Variants in MAP7D3 observed in about 807,000 individuals in gnomAD.
MAP7D3 encodes MAP7 domain containing 3.
Under a neutral mutation model 62.2 loss-of-function variants are expected in MAP7D3, and 45 were observed. The observed-to-expected ratio is 0.72, with a 90% CI of 0.57 to 0.93. The LOEUF (loss-of-function observed/expected upper bound fraction) is 0.93. Ranked by LOEUF, MAP7D3 falls within the 40% of genes least tolerant of loss-of-function variation. MAP7D3 has a pLI of 0.00. For synonymous variants in MAP7D3, 288 were observed against 248.8 expected (o/e 1.16, Z -1.48); for missense variants, 711 against 683.1 (o/e 1.04, Z -0.45).
Position 136,250,256 on chromosome X carries a change from T to C in MAP7D3, c.70+1033A>G, listed in dbSNP as rs2074490006. 2.7e-5 allele frequency among the ~76,000 whole-genome samples: 3 copies of C among 112,200 alleles called. No individual in the cohort carries two copies. In the South Asian group the frequency reaches 1.1e-3, roughly 42 times the overall value. On this transcript the variant is annotated intron_variant, in intron 1 of 18. Coordinates refer to ENST00000316077, the MANE Select transcript of MAP7D3 (RefSeq NM_024597.4). Reference sequence around the variant, plus strand: ...GCTTCCCAATCGTAAACAATCTAACTTTTTAATTGCAAATGCAAAAAAACC... The same window carrying C: ...GCTTCCCAATCGTAAACAATCTAACCTTTTAATTGCAAATGCAAAAAAACC...
chrX:136,215,269 G>A (rs1226950527), downstream of MAP7D3, among the ~76,000 whole-genome samples: 1 of 111,984 alleles, frequency 8.9e-6, no homozygotes, highest in African/African-American at 3.2e-5. Flanking sequence ...TGAGTGGCAG[G>A]AGAGCAAATC....
chrX:136,243,999 C>G (rs923116209), intron 4 of MAP7D3, among the ~76,000 whole-genome samples: 4 of 111,475 alleles, frequency 3.6e-5, no homozygotes, highest in African/African-American at 1.3e-4. Context: ...AAAGAGAATC[C>G]AGAAAGGAAA....
chrX:136,241,251 A>G lies in MAP7D3; in HGVS notation c.444T>C (p.Arg148=). 8.7e-7 allele frequency: 1 copy of G among 1,152,663 alleles called. No homozygotes were observed. Among genetic ancestry groups the G allele is most frequent in the Non-Finnish European group, 1.2e-6 (1 of 857,049 alleles). The allele number at this position is 1,152,663 out of a possible 1,213,427, so 95.0% of individuals were successfully genotyped here. A position where few individuals can be genotyped will look rare whatever the true frequency, so the allele number is the denominator to read the frequency against. ...QKEKFTAILY[R]TLERRRLADD... The stretch of plus-strand genomic sequence containing the variant: ...CAGCAAGTCTCCTCCGTTCCAAAGT[A>G]CGATAAAGAATGGCTGTAAATTTTT... The change falls in exon 5 of 19, where the codon CGT becomes CGC. Residue 148 remains arginine (R), a synonymous_variant. Coordinates refer to ENST00000316077, the MANE Select transcript of MAP7D3 (RefSeq NM_024597.4).
At chrX:136,248,563 C>T (rs750308321) in intron 1 of MAP7D3, among the ~76,000 whole-genome samples, 100 of 112,216 alleles carry the variant, frequency 8.9e-4, no homozygotes, top group African/African-American at 3.2e-3. Flanking sequence ...TATACTAATT[C>T]TAAATCCAAA....
downstream of MAP7D3, chrX:136,216,785 T>G (rs952394760): frequency 8.9e-6 from 1 of 111,793 alleles, no homozygotes; most frequent in Non-Finnish European, 1.9e-5. Context: ...CAGTACACTT[T>G]TTTTAGTATT....
chrX:136,228,786 T>TA (rs747180555), intron 10 of MAP7D3, 28 bp from the exon 11 acceptor site: 2 of 1,120,035 alleles, frequency 1.8e-6, no homozygotes, highest in Non-Finnish European at 1.2e-6. Flanking sequence ...GTGCAACAGT[T>TA]AAGAGAGCTA....
At chrX:136,244,517 TG>T (rs960487603) in intron 4 of MAP7D3, 114 bp downstream of exon 4, 6 of 599,040 alleles carry the variant, frequency 1.0e-5, no homozygotes, top group Non-Finnish European at 1.6e-5. Flanking sequence ...AAGAAAGAGC[TG>T]GGATTGGTTC....
intron 6 of MAP7D3, among the ~76,000 whole-genome samples, chrX:136,239,004 C>T (rs1161959365): frequency 1.8e-5 from 2 of 111,917 alleles, no homozygotes; most frequent in Non-Finnish European, 3.8e-5. Flanking sequence ...TATAATTATG[C>T]CTTATTCAAT....
chrX:136,236,212 C>T, intron 7 of MAP7D3, 32 bp downstream of exon 7: 1 of 881,269 alleles, frequency 1.1e-6, no homozygotes, highest in Non-Finnish European at 1.6e-6. Flanking sequence ...TTTTAAATCA[C>T]TATTTAAAAT....
At chrX:136,216,735 A>T (rs993355098), downstream of MAP7D3, 2 of 112,302 alleles carry the variant, frequency 1.8e-5, no homozygotes, top group Non-Finnish European at 3.8e-5. Flanking sequence ...GCCTGTGTTC[A>T]TAGCTCAGCC....
At chrX:136,219,866 GC>G (rs981904117) in intron 16 of MAP7D3, 195 bp from the exon 17 acceptor site, 1 of 476,540 alleles carries the variant, frequency 2.1e-6, no homozygotes, top group African/African-American at 2.4e-5. Context: ...ATTCCAGAAA[GC>G]CCTAGGTCCC....
At position 136,227,430 on chromosome X, in the gene MAP7D3, C is replaced by T; in HGVS notation, c.1888G>A (p.Val630Ile). The change falls in exon 12 of 19, where the codon GTC becomes ATC. Residue 630 changes from valine (V) to isoleucine (I), a missense_variant and splice_region_variant. Val to Ile is a conservative substitution (Grantham distance 29). Coordinates refer to ENST00000316077, the MANE Select transcript of MAP7D3 (RefSeq NM_024597.4). ...ERQREEMQQR[V>I]IKKSKDMAKE... ...GCCATGTCTTTTGATTTCTTAATGACCCTGAGAGTATTTAAATAATTGTTA... is the reference window on the plus strand; with the variant it reads ...GCCATGTCTTTTGATTTCTTAATGATCCTGAGAGTATTTAAATAATTGTTA... 8.5e-7 allele frequency: 1 copy of T among 1,177,544 alleles called. No homozygotes were observed. Among genetic ancestry groups the T allele is most frequent in the Middle Eastern group, 2.3e-4 (1 of 4,265 alleles).
At position 136,244,759 on chromosome X, in the gene MAP7D3, T is replaced by C; in HGVS notation, c.290A>G (p.Lys97Arg). 1 of 1,197,874 alleles carries C rather than the reference T, an allele frequency of 8.3e-7. No individual in the cohort carries two copies. The highest frequency in any genetic ancestry group is 1.1e-6 in the Non-Finnish European group (1 of 887,363). Residue 97 changes from lysine (K) to arginine (R), a missense_variant, in exon 4 of 19, where the codon AAG (lysine) becomes AGG (arginine). Transcript: ENST00000316077. ...KETQLLEKER[K>R]TKLQYEKQME... Reference sequence around the variant, plus strand: ...CTGTTTTTCATATTGGAGCTTGGTCTTTCTTTCTTTTTCAAGTAGTTGTGT... The same window carrying C: ...CTGTTTTTCATATTGGAGCTTGGTCCTTCTTTCTTTTTCAAGTAGTTGTGT...
chrX:136,221,085 A>C, intron 15 of MAP7D3, 122 bp from the exon 16 acceptor site: 1 of 534,206 alleles, frequency 1.9e-6, no homozygotes, highest in Non-Finnish European at 3.2e-6. Flanking sequence ...GGAAGAGTCA[A>C]GCAGCAGTAC....
chrX:136,235,863 G>A (rs1184549144), intron 7 of MAP7D3, among the ~76,000 whole-genome samples: 1 of 112,819 alleles, frequency 8.9e-6, no homozygotes, highest in Non-Finnish European at 1.9e-5. Flanking sequence ...AAGGATATAT[G>A]TGGGTAATGC....
chrX:136,248,404 G>A (rs937172616), intron 1 of MAP7D3, among the ~76,000 whole-genome samples: 2 of 111,512 alleles, frequency 1.8e-5, no homozygotes, highest in Non-Finnish European at 3.8e-5. Flanking sequence ...TCCAGAAAAT[G>A]GGATAACACC....
At chrX:136,251,752 T>C (rs952947297), upstream of MAP7D3, among the ~76,000 whole-genome samples, 2 of 111,374 alleles carry the variant, frequency 1.8e-5, no homozygotes, top group Non-Finnish European at 3.8e-5. Flanking sequence ...GCGTGCCTCC[T>C]GGGTGCGCTT....
intron 4 of MAP7D3, among the ~76,000 whole-genome samples, chrX:136,242,459 G>A (rs1219854317): frequency 9.4e-6 from 1 of 106,080 alleles, no homozygotes; most frequent in Non-Finnish European, 2.0e-5. Flanking sequence ...CTGAGTCTGG[G>A]TTTTTTTTTT....
In MAP7D3 at chrX:136,234,827, C is replaced by T. The variant is rs992807020; in HGVS notation, c.736+1417G>A. Among the ~76,000 whole-genome samples the T allele has an allele frequency of 2.7e-5, 3 of 111,440 alleles. No homozygotes were observed. The Admixed American group carries it at 2.9e-4, about 11-fold the overall frequency. On this transcript the variant is annotated intron_variant, in intron 7 of 18. Coordinates refer to ENST00000316077, the MANE Select transcript of MAP7D3 (RefSeq NM_024597.4). ...AACAGACAACTGATTAAATTATTCT[C>T]TTGAGAACTGATATATGAGCAACGA...
Sources: allele counts gnomAD v4.1 joint callset (sites outside exome capture counted in the v4.1 genomes callset), GRCh38; gene constraint gnomAD v4.1.1; transcripts MANE v1.5; gene names NCBI Gene and HGNC (gene_info 2026-07-23, HGNC 2026-07-21).